The following ANKS1B variants were observed in gnomAD, a reference collection of about 807,000 sequenced individuals.
ANKS1B encodes ankyrin repeat and sterile alpha motif domain-containing protein 1B.
A neutral mutation model predicts 148.3 loss-of-function variants in ANKS1B; 36 were observed. The ratio of observed to expected loss-of-function variants is 0.24; its 90% CI spans 0.19 to 0.32. The LOEUF is 0.32. Among genes scored for constraint, ANKS1B ranks in the 10% least tolerant of loss-of-function variants. ANKS1B has a pLI of 1.00. For missense variants in ANKS1B, 1,157 were observed against 1,542.6 expected (o/e 0.75, Z 4.19); for synonymous variants, 542 against 560.8 (o/e 0.97, Z 0.47).
chr12:99,793,482 C>A (rs984810400), intron 4 of ANKS1B, among the ~76,000 whole-genome samples: 10 of 151,946 alleles, frequency 6.6e-5, no homozygotes, highest in African/African-American at 2.4e-4. Context: ...GACACATAGA[C>A]CAATGGAACA....
intron 12 of ANKS1B, among the ~76,000 whole-genome samples, chr12:99,292,161 C>T (rs866575639): frequency 6.6e-6 from 1 of 151,852 alleles, no homozygotes; most frequent in African/African-American, 2.4e-5. Flanking sequence ...CAAATGGGAT[C>T]TAATTAAACT....
chr12:98,901,618 T>C (rs7309668), intron 17 of ANKS1B, among the ~76,000 whole-genome samples: 120 of 152,350 alleles, frequency 7.9e-4, no homozygotes, highest in African/African-American at 2.7e-3. Flanking sequence ...GGGTTTTCAA[T>C]TTCGCAAAAT....
Position 99,845,285 on chromosome 12 carries a change from A to G in ANKS1B, c.135-19896T>C, listed in dbSNP as rs140277663. Among the ~76,000 whole-genome samples, 1,199 of 152,118 alleles carry G rather than the reference A, an allele frequency of 7.9e-3. 16 individuals are homozygous for G. Among genetic ancestry groups the G allele is most frequent in the African/African-American group, 0.027 (1,134 of 41,504 alleles). On this transcript the variant is annotated intron_variant, in intron 1 of 26. Coordinates refer to ENST00000683438, the MANE Select transcript of ANKS1B (RefSeq NM_001352186.2). ...TACTTGAATAGGAGTGGTGAGAGAG[A>G]GCATCTTTGTCTTGTGCTGGTTTCC...
At chr12:99,355,071 A>G (rs1460703742) in intron 12 of ANKS1B, among the ~76,000 whole-genome samples, 1 of 152,162 alleles carries the variant, frequency 6.6e-6, no homozygotes, top group Admixed American at 6.6e-5. Flanking sequence ...TTTAGGCAAT[A>G]TAATATGCCA....
At chr12:98,823,614 CTG>C (rs1403291407) in intron 19 of ANKS1B, among the ~76,000 whole-genome samples, 2 of 152,346 alleles carry the variant, frequency 1.3e-5, no homozygotes, top group East Asian at 3.9e-4. Context: ...CTCAGCTCTC[CTG>C]TCTCAGCTGG....
intron 12 of ANKS1B, among the ~76,000 whole-genome samples, chr12:99,361,293 A>G (rs1382911815): frequency 6.6e-6 from 1 of 152,104 alleles, no homozygotes; most frequent in Non-Finnish European, 1.5e-5. Context: ...AAATTAAAAT[A>G]TTTTGTGGTT....
intron 26 of ANKS1B, among the ~76,000 whole-genome samples, chr12:98,747,108 ACAAT>A (rs1443286822): frequency 2.6e-5 from 4 of 152,274 alleles, no homozygotes; most frequent in Non-Finnish European, 5.9e-5. Context: ...AGCGAAGGAA[ACAAT>A]CAACAAAGCG....
At chr12:99,138,211 G>C (rs2068806819) in intron 15 of ANKS1B, among the ~76,000 whole-genome samples, 1 of 152,094 alleles carries the variant, frequency 6.6e-6, no homozygotes, top group African/African-American at 2.4e-5. Flanking sequence ...TCTTGGCAGT[G>C]GTCATTATTC....
chr12:98,793,646 A>T (rs1235485731), intron 22 of ANKS1B, among the ~76,000 whole-genome samples: 1 of 152,202 alleles, frequency 6.6e-6, no homozygotes, highest in Non-Finnish European at 1.5e-5. Flanking sequence ...CAAAACAACA[A>T]ATAATCCTAT....
At chr12:99,897,718 G>A (rs1218809339) in intron 1 of ANKS1B, among the ~76,000 whole-genome samples, 3 of 150,904 alleles carry the variant, frequency 2.0e-5, no homozygotes, top group African/African-American at 7.3e-5. Context: ...CAAGGACGGG[G>A]AGCCATTTTG....
At chr12:99,687,172 C>T (rs2098654342) in intron 8 of ANKS1B, among the ~76,000 whole-genome samples, 1 of 152,086 alleles carries the variant, frequency 6.6e-6, no homozygotes, top group Non-Finnish European at 1.5e-5. Context: ...TTCAGACTCA[C>T]AGAGTTTATA....
intron 12 of ANKS1B, among the ~76,000 whole-genome samples, chr12:99,369,702 CAAGATAGA>C (rs2092977666): frequency 6.6e-6 from 1 of 150,488 alleles, no homozygotes; most frequent in South Asian, 2.1e-4. Flanking sequence ...TTTCAGCAAG[CAAGATAGA>C]AAGATAGATA....
intron 16 of ANKS1B, among the ~76,000 whole-genome samples, chr12:99,067,894 G>A (rs934582653): frequency 7.3e-5 from 11 of 151,624 alleles, no homozygotes; most frequent in African/African-American, 2.7e-4. Flanking sequence ...GTGTGTGTGT[G>A]TGTATGTGTG....
intron 15 of ANKS1B, among the ~76,000 whole-genome samples, chr12:99,121,709 G>C (rs1056094791): frequency 1.3e-5 from 2 of 152,184 alleles, no homozygotes; most frequent in Admixed American, 6.5e-5. Flanking sequence ...GCTGCTCACT[G>C]AGTGTTGCTA....
At chr12:99,375,733 C>T (rs986715192) in intron 12 of ANKS1B, among the ~76,000 whole-genome samples, 12 of 151,914 alleles carry the variant, frequency 7.9e-5, no homozygotes, top group Admixed American at 2.6e-4. Flanking sequence ...TTATAGCTAA[C>T]TCTTTGAACT....
At chr12:99,174,992 CT>C (rs1266796598) in intron 14 of ANKS1B, among the ~76,000 whole-genome samples, 3 of 152,076 alleles carry the variant, frequency 2.0e-5, no homozygotes, top group Non-Finnish European at 4.4e-5. Context: ...ACTTCAGTAC[CT>C]GTGGAGTCTA....
chr12:98,985,838 CT>C (rs1297321823), intron 17 of ANKS1B, among the ~76,000 whole-genome samples: 15 of 152,132 alleles, frequency 9.9e-5, no homozygotes, highest in Non-Finnish European at 1.9e-4. Context: ...CTCCTCATTT[CT>C]TTGTGTAAAT....
At chr12:99,680,224 C>G (rs546118080) in intron 8 of ANKS1B, among the ~76,000 whole-genome samples, 2 of 152,044 alleles carry the variant, frequency 1.3e-5, no homozygotes, top group Non-Finnish European at 2.9e-5. Flanking sequence ...GTGGATCACT[C>G]GAGGCCAAAA....
intron 10 of ANKS1B, among the ~76,000 whole-genome samples, chr12:99,482,552 A>G (rs754976440): frequency 7.9e-5 from 12 of 151,842 alleles, no homozygotes; most frequent in Admixed American, 1.3e-4. Flanking sequence ...ATGGTTTTTT[A>G]TAATTCTGTG....
Sources: gnomAD v4.1 joint callset for allele counts (sites outside exome capture counted in the v4.1 genomes callset) on GRCh38, gnomAD v4.1.1 for gene constraint, MANE v1.5 for transcripts, NCBI Gene and HGNC (gene_info 2026-07-23, HGNC 2026-07-21) for gene names.